SPEF2: variants seen among roughly 807,000 people sequenced by gnomAD.
SPEF2 encodes the protein sperm flagella and cilia-associated protein 2.
In SPEF2, 187 loss-of-function variants were observed where a neutral mutation model predicts 224.6. That is an observed-to-expected ratio of 0.83 (90% CI 0.74 to 0.94). The LOEUF (loss-of-function observed/expected upper bound fraction) is 0.94. SPEF2 is among the 40% of genes least tolerant of loss of function. The pLI is 0.00. For synonymous variants in SPEF2, 715 were observed against 707.3 expected (o/e 1.01, Z -0.17); for missense variants, 2,170 against 2,135.6 (o/e 1.02, Z -0.32).
At chr5:35,786,712 A>C (rs1165115287) in intron 30 of SPEF2, among the ~76,000 whole-genome samples, 1 of 152,122 alleles carries the variant, frequency 6.6e-6, no homozygotes, top group Non-Finnish European at 1.5e-5. Flanking sequence ...AAGGTATGAA[A>C]GGCAGAGGCA....
intron 33 of SPEF2, among the ~76,000 whole-genome samples, chr5:35,796,296 T>TA (rs1554059703): frequency 6.6e-6 from 1 of 150,922 alleles, no homozygotes; most frequent in Non-Finnish European, 1.5e-5. Flanking sequence ...GAGGCCACAA[T>TA]AAAAAGCCAG....
intron 30 of SPEF2, chr5:35,790,722 A>G (rs1755831993): frequency 6.0e-6 from 1 of 167,144 alleles, no homozygotes; most frequent in Admixed American, 6.4e-5. Context: ...GGCCTGGCAT[A>G]CAATTCATTA....
At chr5:35,690,197 ATCTTT>A (rs972634099) in intron 10 of SPEF2, among the ~76,000 whole-genome samples, 42 of 152,228 alleles carry the variant, frequency 2.8e-4, no homozygotes, top group African/African-American at 9.6e-4. Context: ...TTAAACATTT[ATCTTT>A]TCTTTATGCT....
chr5:35,730,246 T>C (rs1260910006), intron 21 of SPEF2, among the ~76,000 whole-genome samples: 1 of 152,236 alleles, frequency 6.6e-6, no homozygotes, highest in Non-Finnish European at 1.5e-5. Flanking sequence ...CTCTTCCTTT[T>C]GCCAGCCACA....
chr5:35,763,541 A>G lies in SPEF2; in HGVS notation c.3640A>G (p.Ile1214Val), dbSNP rs373559992. 36 of 1,589,728 alleles carry G rather than the reference A, an allele frequency of 2.3e-5. No homozygotes were observed. Among genetic ancestry groups the G allele is most frequent in the Non-Finnish European group, 2.9e-5 (34 of 1,172,178 alleles). The change falls in exon 26 of 37, where the codon ATA becomes GTA. Residue 1214 changes from isoleucine (I) to valine (V), a missense_variant. Physicochemically the swap from Ile to Val is conservative, Grantham distance 29. Coordinates refer to ENST00000356031, the MANE Select transcript of SPEF2 (RefSeq NM_024867.4). ...TCAAAGAATTCCTCTAGTTCCTCGA[A>G]TATCCATTTCTCTGGAAACAGTTAC... Reference protein sequence around the residue: ...SQLRIPLVPRISISLETVTPK... With the variant: ...SQLRIPLVPRVSISLETVTPK...
intron 20 of SPEF2, among the ~76,000 whole-genome samples, chr5:35,716,753 C>T (rs1742656174): frequency 6.6e-6 from 1 of 152,066 alleles, no homozygotes. Flanking sequence ...CTTAATATTT[C>T]AAATTAACTC....
intron 10 of SPEF2, among the ~76,000 whole-genome samples, chr5:35,680,321 A>G (rs74883684): frequency 0.041 from 6,191 of 152,208 alleles, 185 homozygotes; most frequent in Middle Eastern, 0.075. Context: ...CATTCATGGT[A>G]TGTGGATTTT....
chr5:35,789,984 T>C (rs541263016), intron 30 of SPEF2: 1 of 700,968 alleles, frequency 1.4e-6, no homozygotes, highest in African/African-American at 1.7e-5. Flanking sequence ...GGGTAAAACT[T>C]GGGAGTCTCA....
intron 36 of SPEF2, chr5:35,807,996 A>G: frequency 7.8e-7 from 1 of 1,276,372 alleles, no homozygotes; most frequent in Non-Finnish European, 9.9e-7. Context: ...ATTGAACTAC[A>G]AAGTGTTTGC....
At chr5:35,671,139 A>T in intron 10 of SPEF2, 1 of 985,442 alleles carries the variant, frequency 1.0e-6, no homozygotes, top group Non-Finnish European at 1.2e-6. Flanking sequence ...ACATGAAAAA[A>T]ATCTATGAAA....
rs1754664172 is a variant in SPEF2 at position 35,692,486 on chromosome 5, T to A, written c.1745-84T>A. On this transcript the variant is annotated intron_variant, in intron 11 of 36. Coordinates refer to ENST00000356031, the MANE Select transcript of SPEF2 (RefSeq NM_024867.4). ...TTCTAGCGGGCCTGAAAGACAGTGT[T>A]ATAGGACAAAACCAGCACATAAAGA... is the stretch of plus-strand genomic sequence containing the variant. The A allele has an allele frequency of 2.3e-5, 25 of 1,066,418 alleles. No homozygotes were observed. In the South Asian group the frequency reaches 4.0e-4, roughly 17 times the overall value. 66.1% of individuals were successfully genotyped at this position (1,066,418 alleles called of 1,614,324 possible). A position where few individuals can be genotyped will look rare whatever the true frequency, so the allele number is the denominator to read the frequency against.
intron 20 of SPEF2, among the ~76,000 whole-genome samples, chr5:35,719,330 A>G (rs565909274): frequency 4.6e-5 from 7 of 152,288 alleles, no homozygotes; most frequent in African/African-American, 1.4e-4. Flanking sequence ...TCTCTCTCCC[A>G]TCTTCATTTT....
intron 20 of SPEF2, among the ~76,000 whole-genome samples, chr5:35,717,628 CGG>C (rs761982686): frequency 1.3e-5 from 2 of 151,570 alleles, no homozygotes; most frequent in Admixed American, 6.6e-5. Context: ...AAGAGGAAAA[CGG>C]ACTCTCGCAA....
chr5:35,729,432 A>C (rs1378785476), intron 21 of SPEF2, among the ~76,000 whole-genome samples: 2 of 152,174 alleles, frequency 1.3e-5, no homozygotes, highest in Admixed American at 1.3e-4. Flanking sequence ...TACTCTGGCC[A>C]AGAAGATGGA....
chr5:35,642,107 C>T (rs111545764), intron 3 of SPEF2, among the ~76,000 whole-genome samples: 1 of 152,158 alleles, frequency 6.6e-6, no homozygotes, highest in Admixed American at 6.5e-5. Flanking sequence ...CTCAGATCTT[C>T]TTATCAACTA....
intron 26 of SPEF2, chr5:35,764,879 T>C (rs1751884128): frequency 5.5e-6 from 2 of 363,418 alleles, no homozygotes; most frequent in African/African-American, 4.3e-5. Flanking sequence ...CCTCTCATTG[T>C]TTCTGCTTCT....
At position 35,743,164 on chromosome 5, in the gene SPEF2, A is replaced by G. The variant is rs1429933564; in HGVS notation, c.3330+2897A>G. On this transcript the variant is annotated intron_variant, in intron 23 of 36. Coordinates refer to ENST00000356031, the MANE Select transcript of SPEF2 (RefSeq NM_024867.4). ...GACACACTCCCTTTTATTTTTCTTC[A>G]CTTATTATTAGGCATGGAAGAATAG... Among the ~76,000 whole-genome samples, 4 of 151,826 alleles carry G rather than the reference A, an allele frequency of 2.6e-5. No individual in the cohort carries two copies. The South Asian group carries it at 8.3e-4, about 32-fold the overall frequency.
chr5:35,771,118 T>C (rs900003083), intron 26 of SPEF2, among the ~76,000 whole-genome samples: 4 of 151,778 alleles, frequency 2.6e-5, no homozygotes, highest in African/African-American at 9.7e-5. Flanking sequence ...TAAACAAATA[T>C]GCTTCTGCAG....
chr5:35,796,031 G>A (rs1022287800), intron 33 of SPEF2, among the ~76,000 whole-genome samples: 8 of 152,144 alleles, frequency 5.3e-5, no homozygotes, highest in African/African-American at 1.9e-4. Flanking sequence ...TGTGATCCTG[G>A]AAAATTCCAT....
Sources: gnomAD v4.1 joint callset for allele counts (sites outside exome capture counted in the v4.1 genomes callset) on GRCh38, gnomAD v4.1.1 for gene constraint, MANE v1.5 for transcripts, NCBI Gene and HGNC (gene_info 2026-07-23, HGNC 2026-07-21) for gene names.